Variants in SLC25A48 observed in about 807,000 individuals in gnomAD.
SLC25A48 encodes solute carrier family 25 member 48.
In SLC25A48, 29 loss-of-function variants were observed where a neutral mutation model predicts 32.2. The observed-to-expected ratio is 0.90, with a 90% CI of 0.67 to 1.23. The LOEUF is 1.23. Ranked by LOEUF, SLC25A48 falls within the 50% of genes most tolerant of loss-of-function variation. The pLI, the probability that SLC25A48 is intolerant of heterozygous loss-of-function variation, is 0.00. For synonymous variants in SLC25A48, 164 were observed against 172.3 expected (o/e 0.95, Z 0.38); for missense variants, 399 against 422.7 (o/e 0.94, Z 0.49).
intron 4 of SLC25A48, among the ~76,000 whole-genome samples, chr5:135,863,239 C>T (rs1760940449): frequency 1.3e-5 from 2 of 152,164 alleles, no homozygotes; most frequent in Non-Finnish European, 2.9e-5. Flanking sequence ...GCAAATGAAA[C>T]ATCTAAGACG....
chr5:135,648,057 G>A (rs141384188), intron 3 of SLC25A48, among the ~76,000 whole-genome samples: 1,716 of 152,274 alleles, frequency 0.011, 39 homozygotes, highest in African/African-American at 0.039. Context: ...AGGCCTCAAC[G>A]GGGAGATTCA....
In SLC25A48 at chr5:135,638,043, C is replaced by T. The variant is rs186127986; in HGVS notation, c.-521+3087C>T. Among the ~76,000 whole-genome samples the T allele has an allele frequency of 1.1e-4, 17 of 152,282 alleles. No homozygotes were observed. In the East Asian group the frequency reaches 2.9e-3, roughly 26 times the overall value. On this transcript the variant is annotated intron_variant, in intron 3 of 10. Coordinates refer to the SLC25A48 transcript ENST00000646290. ...GGCATTGTGCAGTTACTGTCAGCCACGGAACAGTTGTGACATAGTTGTCAT... is the reference window on the plus strand; with the variant it reads ...GGCATTGTGCAGTTACTGTCAGCCATGGAACAGTTGTGACATAGTTGTCAT...
At chr5:135,868,259 A>G (rs901781128) in intron 4 of SLC25A48, among the ~76,000 whole-genome samples, 8 of 152,164 alleles carry the variant, frequency 5.3e-5, no homozygotes, top group South Asian at 2.1e-4. Context: ...GCATGACCAC[A>G]ATGTAATAAG....
chr5:135,625,039 GTGCTCAGAGGTCCTCACTGTCT>G (rs1282591265), intron 1 of SLC25A48, among the ~76,000 whole-genome samples: 1 of 152,180 alleles, frequency 6.6e-6, no homozygotes, highest in East Asian at 1.9e-4. Context: ...GATGAGCCAT[GTGCTCAGAGGTCCTCACTGTCT>G]TTTTTTCAAG....
At chr5:135,675,827 C>T (rs940962052) in intron 3 of SLC25A48, among the ~76,000 whole-genome samples, 2 of 152,046 alleles carry the variant, frequency 1.3e-5, no homozygotes, top group African/African-American at 4.8e-5. Context: ...TTCTTCTGAT[C>T]CATGAGCATG....
chr5:135,621,959 T>A (rs944926790), intron 1 of SLC25A48, among the ~76,000 whole-genome samples: 3 of 152,190 alleles, frequency 2.0e-5, no homozygotes, highest in Admixed American at 6.5e-5. Flanking sequence ...TTATCTTTCA[T>A]GTTTATATAA....
chr5:135,823,241 C>A (rs1757937913), intron 4 of SLC25A48, among the ~76,000 whole-genome samples: 1 of 152,148 alleles, frequency 6.6e-6, no homozygotes, highest in Non-Finnish European at 1.5e-5. Flanking sequence ...AGTGGAACAG[C>A]CTGGGGGCTT....
At chr5:135,773,728 C>G (rs943406555) in intron 3 of SLC25A48, among the ~76,000 whole-genome samples, 3 of 150,488 alleles carry the variant, frequency 2.0e-5, no homozygotes, top group African/African-American at 4.9e-5. Flanking sequence ...GGGTTGTACA[C>G]CACTGCTGTG....
At chr5:135,834,616 T>C, upstream of SLC25A48, 1 of 544,136 alleles carries the variant, frequency 1.8e-6, no homozygotes. Flanking sequence ...CCCAGAGTGC[T>C]GTGCCTTTAA....
intron 3 of SLC25A48, among the ~76,000 whole-genome samples, chr5:135,806,370 A>C (rs1482388658): frequency 6.6e-6 from 1 of 151,562 alleles, no homozygotes. Context: ...TATTTCATTA[A>C]TATCTTAGTG....
intron 1 of SLC25A48, among the ~76,000 whole-genome samples, chr5:135,594,990 A>C (rs1751611582): frequency 6.6e-6 from 1 of 152,178 alleles, no homozygotes; most frequent in African/African-American, 2.4e-5. Context: ...TTGGTCTCTC[A>C]ACTCCTAGTC....
chr5:135,836,252 C>G (rs937688275), intron 1 of SLC25A48, among the ~76,000 whole-genome samples: 3 of 152,134 alleles, frequency 2.0e-5, no homozygotes, highest in African/African-American at 7.2e-5. Flanking sequence ...CCCCGACTCA[C>G]AGCAAGTAGG....
At chr5:135,795,099 G>T (rs1757134911) in intron 3 of SLC25A48, among the ~76,000 whole-genome samples, 1 of 151,762 alleles carries the variant, frequency 6.6e-6, no homozygotes, top group Non-Finnish European at 1.5e-5. Flanking sequence ...CATCACAGGG[G>T]CTGTACACCA....
intron 1 of SLC25A48, among the ~76,000 whole-genome samples, chr5:135,618,744 A>G (rs1037374167): frequency 6.6e-6 from 1 of 152,056 alleles, no homozygotes; most frequent in African/African-American, 2.4e-5. Flanking sequence ...TCCTTCATTT[A>G]TGAAGGAAAA....
At chr5:135,579,182 C>A (rs1462937128), upstream of SLC25A48, 2 of 312,114 alleles carry the variant, frequency 6.4e-6, no homozygotes, top group Non-Finnish European at 1.2e-5. Flanking sequence ...ACACCCGGAG[C>A]CACGCGCGCA....
chr5:135,733,384 T>C (rs141822632), intron 3 of SLC25A48, among the ~76,000 whole-genome samples: 1,534 of 152,198 alleles, frequency 0.01, 35 homozygotes, highest in African/African-American at 0.035. Flanking sequence ...GTGTGGTATC[T>C]GGAATAATGT....
chr5:135,744,627 G>A (rs990261183), intron 3 of SLC25A48, among the ~76,000 whole-genome samples: 6 of 151,796 alleles, frequency 4.0e-5, no homozygotes, highest in Non-Finnish European at 7.4e-5. Flanking sequence ...GTGAGCCACC[G>A]CACTTGGCCT....
chr5:135,830,226 C>T (rs1435802630), upstream of SLC25A48, among the ~76,000 whole-genome samples: 1 of 152,202 alleles, frequency 6.6e-6, no homozygotes, highest in Non-Finnish European at 1.5e-5. Flanking sequence ...CCAGAATGAG[C>T]AGCCACGCTT....
At chr5:135,872,575 A>C (rs1303341104) in intron 5 of SLC25A48, 2 of 152,288 alleles carry the variant, frequency 1.3e-5, no homozygotes, top group Non-Finnish European at 2.9e-5. Context: ...AAAGAATGGG[A>C]TGAAGGATAT....
Sources: allele counts gnomAD v4.1 joint callset (sites outside exome capture counted in the v4.1 genomes callset), GRCh38; gene constraint gnomAD v4.1.1; transcripts MANE v1.5; gene names NCBI Gene and HGNC (gene_info 2026-07-23, HGNC 2026-07-21).